Variants in ERICH1 observed in about 807,000 individuals in gnomAD.
ERICH1 encodes the protein glutamate rich 1.
Under a neutral mutation model 39.6 loss-of-function variants are expected in ERICH1, and 56 were observed. The ratio of observed to expected loss-of-function variants is 1.41; its 90% CI spans 1.14 to 1.77. The LOEUF (loss-of-function observed/expected upper bound fraction) is 1.77. Among genes scored for constraint, ERICH1 ranks in the 40% most tolerant of loss-of-function variants. ERICH1 has a pLI of 0.00. For missense variants in ERICH1, 826 were observed against 575.4 expected (o/e 1.44, Z -4.45); for synonymous variants, 313 against 223.6 (o/e 1.40, Z -3.57).
At chr8:627,945 G>C (rs755286744) in intron 3 of ERICH1, among the ~76,000 whole-genome samples, 99 of 152,268 alleles carry the variant, frequency 6.5e-4, no homozygotes, top group Admixed American at 1.8e-3. Flanking sequence ...CAGGGGCCGG[G>C]GGGGCCTGGA....
chr8:654,301 G>A (rs1035938917), intron 3 of ERICH1, among the ~76,000 whole-genome samples: 4 of 152,268 alleles, frequency 2.6e-5, no homozygotes, highest in East Asian at 1.9e-4. Context: ...ATTGAGGCCC[G>A]TTAACTTACT....
At chr8:627,499 G>T (rs750284566) in intron 3 of ERICH1, among the ~76,000 whole-genome samples, 3 of 152,210 alleles carry the variant, frequency 2.0e-5, no homozygotes, top group Non-Finnish European at 4.4e-5. Flanking sequence ...TACTACATAT[G>T]ACCGCCATCA....
At chr8:650,556 G>C (rs1287425666) in intron 3 of ERICH1, among the ~76,000 whole-genome samples, 1 of 152,168 alleles carries the variant, frequency 6.6e-6, no homozygotes, top group African/African-American at 2.4e-5. Flanking sequence ...CCCCGAGGCC[G>C]GCCCCAGACA....
At chr8:631,840 G>A (rs113541744) in intron 3 of ERICH1, among the ~76,000 whole-genome samples, 2 of 152,116 alleles carry the variant, frequency 1.3e-5, no homozygotes, top group African/African-American at 2.4e-5. Context: ...AGGTTTGCAG[G>A]TGCCGCCCCC....
chr8:690,601 G>A (rs1808683460), intron 3 of ERICH1, among the ~76,000 whole-genome samples: 1 of 152,220 alleles, frequency 6.6e-6, no homozygotes, highest in Non-Finnish European at 1.5e-5. Flanking sequence ...CCAGACTGAG[G>A]GCTAAGCACC....
Position 655,750 on chromosome 8 carries a change from T to C in ERICH1, c.976+12848A>G, listed in dbSNP as rs537070184. On this transcript the variant is annotated intron_variant, in intron 3 of 3. Coordinates refer to the ERICH1 transcript ENST00000522706. ...CCACTTCCATTCCACTCCTCTCTCATGCACAGTCACACACGGTAGACAGTG... is the reference window on the plus strand; with the variant it reads ...CCACTTCCATTCCACTCCTCTCTCACGCACAGTCACACACGGTAGACAGTG... 4.0e-5 allele frequency among the ~76,000 whole-genome samples: 6 copies of C among 150,452 alleles called. No homozygotes were observed. The South Asian group carries it at 1.3e-3, about 32-fold the overall frequency.
chr8:718,677 AAC>A (rs998087523), intron 1 of ERICH1, among the ~76,000 whole-genome samples: 8 of 152,178 alleles, frequency 5.3e-5, no homozygotes, highest in Non-Finnish European at 7.4e-5. Flanking sequence ...CGCCTTCTGT[AAC>A]ACAGGCATTT....
chr8:654,802 G>A (rs972711856), intron 3 of ERICH1, among the ~76,000 whole-genome samples: 1 of 152,158 alleles, frequency 6.6e-6, no homozygotes, highest in African/African-American at 2.4e-5. Flanking sequence ...GTCCATGGTG[G>A]CAGTGCAGGT....
Position 710,047 on chromosome 8 carries a change from G to C in ERICH1, c.169+5814C>G, listed in dbSNP as rs1207110817. Among the ~76,000 whole-genome samples, 3 of 152,186 alleles carry C rather than the reference G, an allele frequency of 2.0e-5. No individual in the cohort carries two copies. In the East Asian group the frequency reaches 5.8e-4, roughly 29 times the overall value. On this transcript the variant is annotated intron_variant, in intron 2 of 5. Transcript: ENST00000262109. ...GTTAGGGATGGCCTGCTTCTTGTAA[G>C]GCATAACAGTGCACATGCTCCCCAT... is the stretch of plus-strand genomic sequence containing the variant.
intron 3 of ERICH1, among the ~76,000 whole-genome samples, chr8:624,653 G>C (rs28789781): frequency 0.18 from 27,683 of 152,044 alleles, 3,099 homozygotes; most frequent in Middle Eastern, 0.33. Flanking sequence ...GGCACGTCTT[G>C]CATGGCTGGA....
At chr8:649,825 T>C in intron 3 of ERICH1, among the ~76,000 whole-genome samples, 1 of 152,184 alleles carries the variant, frequency 6.6e-6, no homozygotes, top group East Asian at 1.9e-4. Flanking sequence ...GCAGGTGAGC[T>C]GACAGCTGGG....
intron 3 of ERICH1, among the ~76,000 whole-genome samples, chr8:631,452 G>T (rs540130794): frequency 6.6e-6 from 1 of 152,254 alleles, no homozygotes; most frequent in South Asian, 2.1e-4. Flanking sequence ...TGTGCCCTGG[G>T]GTCTGTAACC....
At chr8:630,113 G>A (rs1476027857) in intron 3 of ERICH1, among the ~76,000 whole-genome samples, 3 of 122,808 alleles carry the variant, frequency 2.4e-5, no homozygotes, top group Non-Finnish European at 5.0e-5. Context: ...ACACCCTCCC[G>A]TGAGCACCCA....
At chr8:698,044 C>A (rs1166590002) in intron 2 of ERICH1, among the ~76,000 whole-genome samples, 1 of 152,106 alleles carries the variant, frequency 6.6e-6, no homozygotes, top group Non-Finnish European at 1.5e-5. Context: ...CCCTCGGACC[C>A]GGGGGTGGGT....
chr8:673,342 G>T lies in ERICH1; in HGVS notation c.1010C>A (p.Ala337Glu). The T allele has an allele frequency of 1.2e-6, 2 of 1,613,936 alleles. No homozygotes were observed. Reference protein sequence around the residue: ...EEDDTITNEKAHSILNFLKST... With the variant: ...EEDDTITNEKEHSILNFLKST... ...CTTCAAAAAATTTAGAATACTGTGTGCCTTTTCATTGGTAATTGTATCATC... is the reference window on the plus strand; with the variant it reads ...CTTCAAAAAATTTAGAATACTGTGTTCCTTTTCATTGGTAATTGTATCATC... The change falls in exon 4 of 6, where the codon GCA (alanine) becomes GAA (glutamate). Residue 337 changes from alanine to glutamate, a missense_variant. Physicochemically the swap from Ala to Glu is moderately radical, Grantham distance 107 (BLOSUM62 -1). Coordinates refer to ENST00000262109, the MANE Select transcript of ERICH1 (RefSeq NM_207332.3).
chr8:653,369 T>C (rs952065311), intron 3 of ERICH1, among the ~76,000 whole-genome samples: 3 of 152,230 alleles, frequency 2.0e-5, no homozygotes, highest in Non-Finnish European at 2.9e-5. Context: ...GCGCCTGTAA[T>C]AGTGGCCGAG....
At chr8:634,282 G>A (rs750942301) in intron 3 of ERICH1, among the ~76,000 whole-genome samples, 10 of 152,222 alleles carry the variant, frequency 6.6e-5, no homozygotes, top group East Asian at 3.9e-4. Context: ...CCACGAAGCG[G>A]TGCTCACCTC....
intron 3 of ERICH1, chr8:627,265 C>A: frequency 2.2e-6 from 1 of 455,498 alleles, no homozygotes; most frequent in Middle Eastern, 3.3e-4. Flanking sequence ...AGAACACTTA[C>A]CTTACAGGAT....
At chr8:637,267 G>A (rs184675289) in intron 3 of ERICH1, among the ~76,000 whole-genome samples, 3 of 152,354 alleles carry the variant, frequency 2.0e-5, no homozygotes, top group Admixed American at 6.5e-5. Flanking sequence ...CCGGCATCCT[G>A]CATTCCTAGC....
Sources: gnomAD v4.1 joint callset for allele counts (sites outside exome capture counted in the v4.1 genomes callset) on GRCh38, gnomAD v4.1.1 for gene constraint, MANE v1.5 for transcripts, NCBI Gene and HGNC (gene_info 2026-07-23, HGNC 2026-07-21) for gene names.